Variants in TMEM135 observed in about 807,000 individuals in gnomAD.
TMEM135 encodes the protein peroxisomal membrane protein 52.
In TMEM135, 30 loss-of-function variants were observed where a neutral mutation model predicts 60.3. The observed-to-expected ratio is 0.50, with a 90% CI of 0.37 to 0.68. TMEM135 has a LOEUF of 0.68. Among genes scored for constraint, TMEM135 ranks in the 30% least tolerant of loss-of-function variants. The probability of loss-of-function intolerance (pLI) is 0.00; values close to 1 mark genes in which losing one functional copy is unlikely to be tolerated. For synonymous variants in TMEM135, 190 were observed against 186.7 expected (o/e 1.02, Z -0.14); for missense variants, 468 against 548.8 (o/e 0.85, Z 1.47).
chr11:87,326,068 A>G lies in TMEM135; in HGVS notation c.*4735A>G. On this transcript the variant is annotated 3_prime_UTR_variant, in exon 15 of 15. Transcript: ENST00000305494. Reference sequence around the variant, plus strand: ...TACTTCTTTCTTTAGCTCACAAACTACTATAGCTTGCCTGTTCAGTTTTTT... The same window carrying G: ...TACTTCTTTCTTTAGCTCACAAACTGCTATAGCTTGCCTGTTCAGTTTTTT... The G allele has an allele frequency of 2.2e-6, 1 of 453,200 alleles. No individual in the cohort carries two copies. The highest frequency in any genetic ancestry group is 4.4e-6 in the Non-Finnish European group (1 of 226,622). 28.1% of individuals were successfully genotyped at this position (453,200 alleles called of 1,614,324 possible). A position where few individuals can be genotyped will look rare whatever the true frequency, so the allele number is the denominator to read the frequency against.
intron 6 of TMEM135, among the ~76,000 whole-genome samples, chr11:87,290,455 A>G (rs1280932636): frequency 6.6e-6 from 1 of 152,200 alleles, no homozygotes; most frequent in African/African-American, 2.4e-5. Flanking sequence ...AGTCACACCA[A>G]TGAACTACAA....
chr11:87,168,633 C>T (rs182792527), intron 5 of TMEM135, among the ~76,000 whole-genome samples: 6 of 152,244 alleles, frequency 3.9e-5, no homozygotes, highest in African/African-American at 1.4e-4. Context: ...GTTTCTTAAT[C>T]CTGAGTTCTA....
At chr11:87,269,424 C>A (rs1056484829) in intron 6 of TMEM135, among the ~76,000 whole-genome samples, 2 of 151,228 alleles carry the variant, frequency 1.3e-5, no homozygotes, top group Non-Finnish European at 2.9e-5. Context: ...ATACATGTGC[C>A]ATGCTGGTGT....
intron 5 of TMEM135, among the ~76,000 whole-genome samples, chr11:87,224,759 GT>G (rs11307183): frequency 0.81 from 101,233 of 125,662 alleles, 40,098 homozygotes; most frequent in Middle Eastern, 0.92. Flanking sequence ...TGACATGTGA[GT>G]TTTTTTTTTT....
chr11:87,324,250 C>A lies in TMEM135; in HGVS notation c.*2917C>A, dbSNP rs995713603. The A allele has an allele frequency of 4.4e-5, 20 of 453,874 alleles. No homozygotes were observed. Among genetic ancestry groups the A allele is most frequent in the Non-Finnish European group, 8.8e-5 (20 of 226,776 alleles). The allele number at this position is 453,874 out of a possible 1,614,324, so 28.1% of individuals were successfully genotyped here. On this transcript the variant is annotated 3_prime_UTR_variant, in exon 15 of 15. Coordinates refer to ENST00000305494, the MANE Select transcript of TMEM135 (RefSeq NM_022918.4). ...TTCATAGGTAATGAAAAGCAATGTC[C>A]TTTACTCTCAGGGAGCTTCGTCCAC...
chr11:87,203,599 A>G (rs1278694641), intron 5 of TMEM135, among the ~76,000 whole-genome samples: 1 of 151,978 alleles, frequency 6.6e-6, no homozygotes, highest in Admixed American at 6.6e-5. Flanking sequence ...CAGTTTATTT[A>G]CTCACCTACT....
intron 7 of TMEM135, among the ~76,000 whole-genome samples, chr11:87,301,539 A>G (rs1343352491): frequency 2.0e-5 from 3 of 152,162 alleles, no homozygotes; most frequent in Non-Finnish European, 2.9e-5. Flanking sequence ...AGCAGGAGCC[A>G]CTATGCCTGG....
chr11:87,101,944 G>A (rs895226348), intron 4 of TMEM135, among the ~76,000 whole-genome samples: 3 of 152,096 alleles, frequency 2.0e-5, no homozygotes, highest in African/African-American at 7.2e-5. Flanking sequence ...TTGCACTTCA[G>A]CCTGGGCAAC....
At chr11:87,285,264 C>T (rs191179883) in intron 6 of TMEM135, among the ~76,000 whole-genome samples, 13 of 152,174 alleles carry the variant, frequency 8.5e-5, no homozygotes, top group South Asian at 8.3e-4. Context: ...TATTCTTTTA[C>T]GTGGGTTTTT....
At chr11:87,279,940 C>A (rs1942030319) in intron 6 of TMEM135, among the ~76,000 whole-genome samples, 1 of 152,144 alleles carries the variant, frequency 6.6e-6, no homozygotes, top group African/African-American at 2.4e-5. Flanking sequence ...GTGGAGGCAT[C>A]AAGATTTTGT....
rs1303402934 is a variant in TMEM135, at chr11:87,323,874, T to G, written c.*2541T>G. ...TGGTTTAGTTTTATTTTCCCATAAA[T>G]TCTGCTTTTGCTTCTGTAACTTTTT... On this transcript the variant is annotated 3_prime_UTR_variant, in exon 15 of 15. Transcript: ENST00000305494. 2.2e-6 allele frequency: 1 copy of G among 452,122 alleles called. No homozygotes were observed. The highest frequency in any genetic ancestry group is 4.4e-6 in the Non-Finnish European group (1 of 226,382). The allele number at this position is 452,122 out of a possible 1,614,324, so 28.0% of individuals were successfully genotyped here.
At position 87,223,331 on chromosome 11, in the gene TMEM135, ATT is replaced by A. The variant is rs377062541; in HGVS notation, c.463-13296_463-13295del. On this transcript the variant is annotated intron_variant, in intron 5 of 14. Coordinates refer to ENST00000305494, the MANE Select transcript of TMEM135 (RefSeq NM_022918.4). ...AGGCGCCAGCCACCATGCCCAGCTAATTTTTTTTTTTTGTATTTTTAATAGAG... is the reference window on the plus strand; with the variant it reads ...AGGCGCCAGCCACCATGCCCAGCTAATTTTTTTTTTGTATTTTTAATAGAG... Among the ~76,000 whole-genome samples the A allele has an allele frequency of 3.4e-3, 494 of 146,264 alleles. 4 individuals are homozygous for A. Among genetic ancestry groups the A allele is most frequent in the African/African-American group, 0.012 (468 of 40,142 alleles).
chr11:87,315,801 T>G (rs1942718429), intron 12 of TMEM135, among the ~76,000 whole-genome samples: 1 of 151,950 alleles, frequency 6.6e-6, no homozygotes, highest in Non-Finnish European at 1.5e-5. Flanking sequence ...GACCCATGAG[T>G]CTTTATTTTT....
intron 6 of TMEM135, among the ~76,000 whole-genome samples, chr11:87,291,987 C>A (rs760403867): frequency 6.6e-6 from 1 of 152,134 alleles, no homozygotes; most frequent in East Asian, 1.9e-4. Flanking sequence ...CATTTCCTAC[C>A]GCTACTTCCC....
intron 7 of TMEM135, among the ~76,000 whole-genome samples, chr11:87,300,237 T>G (rs189029764): frequency 5.9e-5 from 9 of 152,252 alleles, no homozygotes; most frequent in Admixed American, 2.0e-4. Flanking sequence ...GATACGCACT[T>G]TGGGAAGCTT....
At position 87,067,731 on chromosome 11, in the gene TMEM135, A is replaced by G; in HGVS notation, c.179A>G (p.Tyr60Cys). The change falls in exon 2 of 15, where the codon TAT becomes TGT. Residue 60 changes from tyrosine (Y) to cysteine (C), a missense_variant. Tyr to Cys is a radical substitution (Grantham distance 194). Transcript: ENST00000305494. ...AILRKRKLDY[Y>C]LHKLLPEILQ... ...CTCCGGAAACGGAAATTAGACTATT[A>G]TTTACACAAACTACTCCCTGAGATC... The G allele has an allele frequency of 6.2e-7, 1 of 1,613,918 alleles. No individual in the cohort carries two copies. Among genetic ancestry groups the G allele is most frequent in the Non-Finnish European group, 8.5e-7 (1 of 1,179,916 alleles).
rs528766082 is a variant in TMEM135 at position 87,321,262 on chromosome 11, C to G, written c.1306C>G (p.Gln436Glu). 1.2e-5 allele frequency: 20 copies of G among 1,613,692 alleles called. No individual in the cohort carries two copies. Among genetic ancestry groups the G allele is most frequent in the South Asian group, 2.2e-5 (2 of 91,068 alleles). ...VFGTGASKHF[Q>E]DFIPRLDPRY... ...TGGTACTGGTGCATCTAAACACTTT[C>G]AGGATTTCATCCCCAGGTTGGATCC... Residue 436 changes from glutamine to glutamate, a missense_variant, in exon 15 of 15, where the codon CAG (glutamine) becomes GAG (glutamate). Transcript: ENST00000305494.
intron 9 of TMEM135, 107 bp from the exon 10 acceptor site, chr11:87,309,393 CTTAGA>C: frequency 9.1e-7 from 1 of 1,104,510 alleles, no homozygotes; most frequent in Non-Finnish European, 1.4e-6. Context: ...GTGCTATAAA[CTTAGA>C]TTAAATTTGT....
chr11:87,298,693 AG>A (rs1942389827), intron 7 of TMEM135, among the ~76,000 whole-genome samples: 1 of 147,346 alleles, frequency 6.8e-6, no homozygotes, highest in African/African-American at 2.5e-5. Flanking sequence ...AGGCTGAGGG[AG>A]GAGAATGGCT....
Sources: allele counts gnomAD v4.1 joint callset (sites outside exome capture counted in the v4.1 genomes callset), GRCh38; gene constraint gnomAD v4.1.1; transcripts MANE v1.5; gene names NCBI Gene and HGNC (gene_info 2026-07-23, HGNC 2026-07-21).